The following ADAMTSL3 variants were observed in gnomAD, a reference collection of about 807,000 sequenced individuals.
ADAMTSL3 encodes ADAMTS like 3, also known as ADAMTS-like protein 3.
ADAMTSL3 carries 128 observed loss-of-function variants against 201.7 expected under a neutral mutation model. That is an observed-to-expected ratio of 0.63 (90% CI 0.55 to 0.73). The LOEUF is 0.73. Among genes scored for constraint, ADAMTSL3 ranks in the 30% least tolerant of loss-of-function variants. The probability of loss-of-function intolerance (pLI) is 0.00; values close to 1 mark genes in which losing one functional copy is unlikely to be tolerated. For synonymous variants in ADAMTSL3, 738 were observed against 748.4 expected (o/e 0.99, Z 0.23); for missense variants, 1,990 against 2,119.6 (o/e 0.94, Z 1.20).
intron 17 of ADAMTSL3, 23 bp downstream of exon 17, chr15:83,924,056 G>C: frequency 1.2e-6 from 2 of 1,613,046 alleles, no homozygotes; most frequent in Non-Finnish European, 1.7e-6. Context: ...TTGTGTTCCT[G>C]GTATATACCG....
At chr15:83,865,049 CT>C (rs1165666148) in intron 8 of ADAMTSL3, among the ~76,000 whole-genome samples, 1 of 152,128 alleles carries the variant, frequency 6.6e-6, no homozygotes, top group African/African-American at 2.4e-5. Flanking sequence ...AGGAATCCAA[CT>C]TACAAGGGAC....
At chr15:83,702,092 G>A (rs967119080) in intron 2 of ADAMTSL3, among the ~76,000 whole-genome samples, 1 of 152,160 alleles carries the variant, frequency 6.6e-6, no homozygotes, top group Non-Finnish European at 1.5e-5. Context: ...GGTGACTCTT[G>A]TTATGTTTTG....
In ADAMTSL3 at chr15:83,839,903, A is replaced by G. The variant is rs563692221; in HGVS notation, c.727+1688A>G. The stretch of plus-strand genomic sequence containing the variant: ...TTATTCTCTCCAAAATTTTCACCCC[A>G]TAAGTATCCAATGTCTAAGTATCTT... On this transcript the variant is annotated intron_variant, in intron 7 of 29. Coordinates refer to ENST00000286744, the MANE Select transcript of ADAMTSL3 (RefSeq NM_207517.3). Among the ~76,000 whole-genome samples the G allele has an allele frequency of 1.3e-4, 20 of 152,318 alleles. No homozygotes were observed. In the South Asian group the frequency reaches 3.7e-3, roughly 28 times the overall value.
chr15:83,746,678 C>T (rs542586551), intron 3 of ADAMTSL3, among the ~76,000 whole-genome samples: 134 of 152,106 alleles, frequency 8.8e-4, no homozygotes, highest in African/African-American at 2.9e-3. Flanking sequence ...CAGTATACTT[C>T]GGGTTGGAAG....
In ADAMTSL3 at chr15:83,655,806, C is replaced by G. The variant is rs2061075165; in HGVS notation, c.45C>G (p.Val15=). 6.2e-7 allele frequency: 1 copy of G among 1,614,086 alleles called. No individual in the cohort carries two copies. The highest frequency in any genetic ancestry group is 8.5e-7 in the Non-Finnish European group (1 of 1,180,008). Residue 15 remains valine (V), a synonymous_variant, in exon 2 of 30, where the codon GTC becomes GTG. Coordinates refer to ENST00000286744, the MANE Select transcript of ADAMTSL3 (RefSeq NM_207517.3). The stretch of plus-strand genomic sequence containing the variant: ...CCTGGTGGGTGCTGATAGGGATGGT[C>G]TTCATGCACTCTCCCCTCCCGCAGG... ...TSPWWVLIGM[V]FMHSPLPQTT...
chr15:83,910,458 G>T (rs946308549), intron 15 of ADAMTSL3, among the ~76,000 whole-genome samples: 1 of 107,234 alleles, frequency 9.3e-6, no homozygotes, highest in Admixed American at 1.1e-4. Context: ...TTTAGTTGCC[G>T]TGGGTTTTTT....
At chr15:83,697,381 A>G (rs2061700465) in intron 2 of ADAMTSL3, among the ~76,000 whole-genome samples, 1 of 152,084 alleles carries the variant, frequency 6.6e-6, no homozygotes, top group African/African-American at 2.4e-5. Flanking sequence ...GAGACTATCT[A>G]CCTAGAGATA....
At chr15:83,893,567 G>A (rs1030083707) in intron 13 of ADAMTSL3, among the ~76,000 whole-genome samples, 1 of 152,204 alleles carries the variant, frequency 6.6e-6, no homozygotes, top group African/African-American at 2.4e-5. Context: ...CACAATTTTT[G>A]TGAAGACATA....
intron 2 of ADAMTSL3, among the ~76,000 whole-genome samples, chr15:83,684,347 C>A (rs2061510935): frequency 6.6e-6 from 1 of 152,152 alleles, no homozygotes; most frequent in South Asian, 2.1e-4. Flanking sequence ...TTTATAATTT[C>A]TTTCCTGTTC....
At chr15:83,771,068 G>T (rs963690) in intron 3 of ADAMTSL3, among the ~76,000 whole-genome samples, 2 of 152,038 alleles carry the variant, frequency 1.3e-5, no homozygotes, top group South Asian at 4.2e-4. Flanking sequence ...GAGCCTCTAT[G>T]TCAAAAACAA....
chr15:83,816,297 A>G (rs998402940), intron 5 of ADAMTSL3, among the ~76,000 whole-genome samples: 7 of 152,190 alleles, frequency 4.6e-5, no homozygotes, highest in African/African-American at 1.7e-4. Context: ...TTTTGTTGCA[A>G]TCGCAAATTT....
intron 2 of ADAMTSL3, among the ~76,000 whole-genome samples, chr15:83,692,227 T>C (rs1175356880): frequency 1.3e-5 from 2 of 152,138 alleles, no homozygotes; most frequent in Admixed American, 1.3e-4. Flanking sequence ...CATCTTAATA[T>C]TATAAAAACA....
At chr15:83,831,895 G>T (rs554681850) in intron 6 of ADAMTSL3, among the ~76,000 whole-genome samples, 1 of 152,156 alleles carries the variant, frequency 6.6e-6, no homozygotes, top group Non-Finnish European at 1.5e-5. Flanking sequence ...CCATGAATGC[G>T]CAAGGATATA....
chr15:83,709,329 G>T lies in ADAMTSL3; in HGVS notation c.189+4821G>T, dbSNP rs74024547. 5.5e-3 allele frequency among the ~76,000 whole-genome samples: 845 copies of T among 152,286 alleles called. 9 individuals carry two copies. The highest frequency in any genetic ancestry group is 0.019 in the African/African-American group (787 of 41,554). ...TAGAATAAAGGTGTTCTAGCACTTG[G>T]TTGCATCAGGTACATGAAGTAGCTA... On this transcript the variant is annotated intron_variant, in intron 3 of 29. Transcript: ENST00000286744.
chr15:83,911,802 G>C (rs2065940348), intron 15 of ADAMTSL3, among the ~76,000 whole-genome samples: 1 of 152,126 alleles, frequency 6.6e-6, no homozygotes, highest in Non-Finnish European at 1.5e-5. Flanking sequence ...GTCTTTCTGA[G>C]GTTAGAAATA....
intron 21 of ADAMTSL3, among the ~76,000 whole-genome samples, chr15:83,984,414 AAG>A (rs2067439597): frequency 6.6e-6 from 1 of 152,242 alleles, no homozygotes; most frequent in Non-Finnish European, 1.5e-5. Context: ...ATATCTTAAA[AAG>A]GTAGAAAAAA....
chr15:83,699,804 C>A (rs1438763082), intron 2 of ADAMTSL3, among the ~76,000 whole-genome samples: 1 of 152,184 alleles, frequency 6.6e-6, no homozygotes, highest in Non-Finnish European at 1.5e-5. Context: ...TTAGCTTTTT[C>A]CATAACTGGC....
At chr15:83,834,476 T>C (rs2064223509) in intron 6 of ADAMTSL3, among the ~76,000 whole-genome samples, 1 of 152,036 alleles carries the variant, frequency 6.6e-6, no homozygotes, top group Admixed American at 6.5e-5. Flanking sequence ...TTTCAAACGG[T>C]TGATTTAAAA....
chr15:83,704,225 C>A (rs1398806076), intron 2 of ADAMTSL3, among the ~76,000 whole-genome samples, 164 bp from the exon 3 acceptor site: 1 of 152,148 alleles, frequency 6.6e-6, no homozygotes, highest in South Asian at 2.1e-4. Context: ...CCCTGACACA[C>A]CTGGTGTGCC....
Sources: allele counts gnomAD v4.1 joint callset (sites outside exome capture counted in the v4.1 genomes callset), GRCh38; gene constraint gnomAD v4.1.1; transcripts MANE v1.5; gene names NCBI Gene and HGNC (gene_info 2026-07-23, HGNC 2026-07-21).